The following SGMS1 variants were observed in gnomAD, a reference collection of about 807,000 sequenced individuals.
SGMS1 encodes the protein phosphatidylcholine:ceramide cholinephosphotransferase 1.
SGMS1 carries 13 observed loss-of-function variants against 46.2 expected under a neutral mutation model. The ratio of observed to expected loss-of-function variants is 0.28; its 90% CI spans 0.18 to 0.45. The LOEUF is 0.45. Ranked by LOEUF, SGMS1 falls within the 20% of genes least tolerant of loss-of-function variation. SGMS1 has a pLI of 1.00. For synonymous variants in SGMS1, 203 were observed against 187.8 expected (o/e 1.08, Z -0.66); for missense variants, 324 against 519.9 (o/e 0.62, Z 3.66).
At chr10:50,548,703 A>T (rs946803770) in intron 2 of SGMS1, among the ~76,000 whole-genome samples, 2 of 152,210 alleles carry the variant, frequency 1.3e-5, no homozygotes, top group Non-Finnish European at 2.9e-5. Flanking sequence ...GCAAAAACTG[A>T]CACATGGATC....
chr10:50,365,823 A>T (rs755947847), intron 6 of SGMS1, among the ~76,000 whole-genome samples: 27 of 152,144 alleles, frequency 1.8e-4, no homozygotes, highest in Admixed American at 5.2e-4. Flanking sequence ...TTCTTTATCC[A>T]GTCTATCATT....
At chr10:50,413,294 C>T (rs541393903) in intron 6 of SGMS1, among the ~76,000 whole-genome samples, 44 of 152,292 alleles carry the variant, frequency 2.9e-4, no homozygotes, top group Admixed American at 1.4e-3. Flanking sequence ...GACTCTCAAA[C>T]CACGATAATA....
intron 2 of SGMS1, among the ~76,000 whole-genome samples, chr10:50,527,265 A>G (rs1392624995): frequency 6.6e-6 from 1 of 152,144 alleles, no homozygotes; most frequent in Admixed American, 6.5e-5. Flanking sequence ...CTCAAAGGAC[A>G]TCATCACCTT....
rs373768977 is a variant in SGMS1 at position 50,417,968 on chromosome 10, C to T, written c.-232+15508G>A. ...AAATAAAGATTTCCCTTTACTTCGC[C>T]GTAGTAGAATTGGCACTGATTGCGG... On this transcript the variant is annotated intron_variant, in intron 6 of 10. Coordinates refer to ENST00000361781, the MANE Select transcript of SGMS1 (RefSeq NM_147156.4). 6 of 152,356 alleles carry T rather than the reference C, an allele frequency of 3.9e-5. No homozygotes were observed. The East Asian group carries it at 7.7e-4, about 20-fold the overall frequency. The allele number at this position is 152,356 out of a possible 1,614,324, so 9.4% of individuals were successfully genotyped here.
intron 1 of SGMS1, among the ~76,000 whole-genome samples, chr10:50,597,447 A>C (rs1024008112): frequency 6.6e-6 from 1 of 152,378 alleles, no homozygotes; most frequent in East Asian, 1.9e-4. Context: ...AGTAATAAAA[A>C]GGAACAAACC....
chr10:50,601,941 G>C (rs1288318554), intron 1 of SGMS1, among the ~76,000 whole-genome samples: 1 of 152,138 alleles, frequency 6.6e-6, no homozygotes, highest in Non-Finnish European at 1.5e-5. Context: ...ACAAAGTTTT[G>C]ACTGTGTTTT....
At chr10:50,480,852 G>C (rs12264817) in intron 3 of SGMS1, among the ~76,000 whole-genome samples, 5,455 of 152,212 alleles carry the variant, frequency 0.036, 332 homozygotes, top group African/African-American at 0.12. Context: ...GGGCAGTTTG[G>C]ACCAAGAGGA....
At position 50,465,062 on chromosome 10, in the gene SGMS1, G is replaced by A. The variant is rs865824023; in HGVS notation, c.-455+1828C>T. Among the ~76,000 whole-genome samples, 2 of 152,092 alleles carry A rather than the reference G, an allele frequency of 1.3e-5. 1 individual carries two copies. The highest frequency in any genetic ancestry group is 4.2e-4 in the South Asian group (2 of 4,816). ...CTCCCTTCCTCCTCACTCCTCTGTG[G>A]TGCCCCTTAATCCTCATAGGTAGGC... On this transcript the variant is annotated intron_variant, in intron 4 of 10. Coordinates refer to ENST00000361781, the MANE Select transcript of SGMS1 (RefSeq NM_147156.4).
At chr10:50,321,972 A>G (rs1028875007) in intron 8 of SGMS1, among the ~76,000 whole-genome samples, 6 of 152,202 alleles carry the variant, frequency 3.9e-5, no homozygotes, top group Admixed American at 3.9e-4. Context: ...GCATTGCAGA[A>G]AAGCTGACAG....
chr10:50,440,947 T>C (rs959752145), intron 5 of SGMS1, among the ~76,000 whole-genome samples: 97 of 152,190 alleles, frequency 6.4e-4, no homozygotes, highest in African/African-American at 2.1e-3. Context: ...TACTAATTCA[T>C]TGAATCATGC....
rs572756152 is a variant in SGMS1 at position 50,369,801 on chromosome 10, T to C, written c.-231-25456A>G. 5.3e-4 allele frequency among the ~76,000 whole-genome samples: 80 copies of C among 152,370 alleles called. 1 individual carries two copies. The highest frequency in any genetic ancestry group is 9.1e-4 in the Non-Finnish European group (62 of 68,040). ...AGTCATGTGTCACTTCACGACGAGATACCTTCTAAGAAATGCATCATTAGG... is the reference window on the plus strand; with the variant it reads ...AGTCATGTGTCACTTCACGACGAGACACCTTCTAAGAAATGCATCATTAGG... On this transcript the variant is annotated intron_variant, in intron 6 of 10. Transcript: ENST00000361781.
intron 2 of SGMS1, among the ~76,000 whole-genome samples, chr10:50,531,617 T>G (rs1588866927): frequency 6.6e-6 from 1 of 152,270 alleles, no homozygotes; most frequent in Non-Finnish European, 1.5e-5. Context: ...CTTGGCTCTT[T>G]ATCTGCCCAC....
chr10:50,560,286 G>A (rs1228863028), intron 2 of SGMS1, among the ~76,000 whole-genome samples: 3 of 137,030 alleles, frequency 2.2e-5, no homozygotes, highest in African/African-American at 5.4e-5. Flanking sequence ...TACAGTATAT[G>A]TATTATAATA....
At chr10:50,597,286 C>T (rs542754879) in intron 1 of SGMS1, among the ~76,000 whole-genome samples, 32 of 152,306 alleles carry the variant, frequency 2.1e-4, no homozygotes, top group African/African-American at 7.7e-4. Flanking sequence ...TACCATTACA[C>T]ACCTATTAGA....
chr10:50,494,644 G>A (rs1837595013), intron 3 of SGMS1, among the ~76,000 whole-genome samples: 1 of 152,166 alleles, frequency 6.6e-6, no homozygotes, highest in Non-Finnish European at 1.5e-5. Flanking sequence ...AGGGTAGGAG[G>A]AGGGAAAAGA....
chr10:50,421,959 G>T (rs182308660), intron 6 of SGMS1, among the ~76,000 whole-genome samples: 9 of 152,194 alleles, frequency 5.9e-5, no homozygotes. Flanking sequence ...CTCACACCAT[G>T]CCCCCTGCCT....
intron 8 of SGMS1, among the ~76,000 whole-genome samples, chr10:50,325,069 TG>T (rs1847509432): frequency 6.6e-6 from 1 of 152,224 alleles, no homozygotes; most frequent in African/African-American, 2.4e-5. Flanking sequence ...AATAGCATTA[TG>T]GTTTTGTACT....
At chr10:50,345,653 A>G (rs1328809455) in intron 6 of SGMS1, among the ~76,000 whole-genome samples, 3 of 152,306 alleles carry the variant, frequency 2.0e-5, no homozygotes, top group Non-Finnish European at 4.4e-5. Flanking sequence ...AAAATCCAAA[A>G]TGCTCCAAAA....
intron 8 of SGMS1, among the ~76,000 whole-genome samples, chr10:50,316,039 T>G (rs572454007): frequency 1.3e-5 from 2 of 152,326 alleles, no homozygotes; most frequent in South Asian, 4.1e-4. Context: ...TTTCCCAGTA[T>G]TTTTTCAGTG....
Sources: gnomAD v4.1 joint callset for allele counts (sites outside exome capture counted in the v4.1 genomes callset) on GRCh38, gnomAD v4.1.1 for gene constraint, MANE v1.5 for transcripts, NCBI Gene and HGNC (gene_info 2026-07-23, HGNC 2026-07-21) for gene names.